TRPM6: variants seen among roughly 807,000 people sequenced by gnomAD.
The protein encoded by TRPM6 is transient receptor potential cation channel subfamily M member 6.
A neutral mutation model predicts 247.6 loss-of-function variants in TRPM6; 111 were observed. The ratio of observed to expected loss-of-function variants is 0.45; its 90% confidence interval spans 0.38 to 0.52. The LOEUF (loss-of-function observed/expected upper bound fraction) is 0.52, where lower values mean the gene tolerates loss of function less well. Ranked by LOEUF, TRPM6 falls within the 20% of genes least tolerant of loss-of-function variation. The pLI is 0.00. For synonymous variants in TRPM6, 892 were observed against 853.8 expected (o/e 1.04, Z -0.78); for missense variants, 2,126 against 2,421.5 (o/e 0.88, Z 2.56).
At chr9:74,736,506 T>C (rs1003184838) in intron 36 of TRPM6, among the ~76,000 whole-genome samples, 3 of 152,374 alleles carry the variant, frequency 2.0e-5, no homozygotes, top group African/African-American at 7.2e-5. Flanking sequence ...ATAATGCACG[T>C]AAACCTTTAG....
intron 1 of TRPM6, among the ~76,000 whole-genome samples, chr9:74,872,781 C>T (rs752624046): frequency 4.6e-5 from 7 of 152,152 alleles, no homozygotes; most frequent in Non-Finnish European, 8.8e-5. Flanking sequence ...GATTCTATCT[C>T]TTAAACATCT....
At chr9:74,728,202 G>A (rs756808152) in intron 38 of TRPM6, 37 bp downstream of exon 38, 25 of 1,410,438 alleles carry the variant, frequency 1.8e-5, no homozygotes, top group Non-Finnish European at 2.4e-5. Context: ...TTCTATGAGA[G>A]ATTTACTTAG....
chr9:74,762,276 C>T lies in TRPM6; in HGVS notation c.4395G>A (p.Val1465=). 6.2e-7 allele frequency: 1 copy of T among 1,614,216 alleles called. No individual in the cohort carries two copies. The highest frequency in any genetic ancestry group is 1.1e-5 in the South Asian group (1 of 91,084). The change falls in exon 26 of 39, where the codon GTG becomes GTA. Residue 1465 remains valine (V), a synonymous_variant. Transcript: ENST00000360774. The stretch of plus-strand genomic sequence containing the variant: ...TTTGCCACTTTTTCTTGATGCTAAA[C>T]ACACCAGTTTCATCACCTTCTGAAA... The part of the protein sequence containing the change: ...WAFSEGDETG[V]FSIKKKWQTC...
At chr9:74,799,786 T>A (rs1363215744) in intron 17 of TRPM6, 1 of 190,958 alleles carries the variant, frequency 5.2e-6, no homozygotes, top group East Asian at 1.3e-4. Flanking sequence ...GCAGGTAAAA[T>A]TATACCCATT....
chr9:74,868,919 G>C (rs1442015589), intron 1 of TRPM6, among the ~76,000 whole-genome samples: 1 of 152,182 alleles, frequency 6.6e-6, no homozygotes, highest in Non-Finnish European at 1.5e-5. Context: ...TTGGGGGATA[G>C]AGAATAGAGA....
Position 74,834,140 on chromosome 9 carries a change from A to G in TRPM6, c.545-18T>C, listed in dbSNP as rs1564036823. ...GGACACTCCTATGAACAACCAGTTT[A>G]GAAGTCAAACTTTAATTCACAAATC... On this transcript the variant is annotated intron_variant, in intron 5 of 38. Coordinates refer to ENST00000360774, the MANE Select transcript of TRPM6 (RefSeq NM_017662.5). The G allele has an allele frequency of 1.2e-6, 2 of 1,613,848 alleles. No individual in the cohort carries two copies. Among genetic ancestry groups the G allele is most frequent in the Non-Finnish European group, 1.7e-6 (2 of 1,179,802 alleles).
At chr9:74,728,750 A>T (rs1190969490) in intron 37 of TRPM6, among the ~76,000 whole-genome samples, 2 of 152,222 alleles carry the variant, frequency 1.3e-5, no homozygotes, top group African/African-American at 2.4e-5. Context: ...CTTTTGGGAC[A>T]CGCCTTCTAA....
chr9:74,799,360 C>T lies in TRPM6; in HGVS notation c.2238+894G>A, dbSNP rs541463895. ...ATGTACTCCTTAAGCTTGTCCATAA[C>T]CTAAAGCCTTTAGACTTAGGTTTGA... On this transcript the variant is annotated intron_variant, in intron 17 of 38. Coordinates refer to ENST00000360774, the MANE Select transcript of TRPM6 (RefSeq NM_017662.5). Among the ~76,000 whole-genome samples, 15 of 152,042 alleles carry T rather than the reference C, an allele frequency of 9.9e-5. No homozygotes were observed. The South Asian group carries it at 3.1e-3, about 32-fold the overall frequency.
chr9:74,797,044 G>A, intron 17 of TRPM6, 151 bp from the exon 18 acceptor site: 1 of 727,670 alleles, frequency 1.4e-6, no homozygotes. Context: ...TTTTGACTCG[G>A]CAACTTCAGT....
rs1299171330 is a variant in TRPM6, at chr9:74,724,285, T to C, written c.*328A>G. The C allele has an allele frequency of 2.5e-6, 1 of 396,602 alleles. No homozygotes were observed. The highest frequency in any genetic ancestry group is 5.7e-5 in the East Asian group (1 of 17,682). The allele number at this position is 396,602 out of a possible 1,614,324, so 24.6% of individuals were successfully genotyped here. The stretch of plus-strand genomic sequence containing the variant: ...AATAAATGTATCCCCCCCAACCCCA[T>C]CCTTTAATGTGCAGGATTCTGCTCC... On this transcript the variant is annotated 3_prime_UTR_variant, in exon 39 of 39. Coordinates refer to ENST00000360774, the MANE Select transcript of TRPM6 (RefSeq NM_017662.5).
At chr9:74,820,737 T>C (rs1400840525) in intron 8 of TRPM6, among the ~76,000 whole-genome samples, 1 of 152,124 alleles carries the variant, frequency 6.6e-6, no homozygotes, top group Non-Finnish European at 1.5e-5. Context: ...CCTGCCTCTA[T>C]TTTTACATTT....
At chr9:74,838,009 C>T (rs1160801945) in intron 5 of TRPM6, among the ~76,000 whole-genome samples, 4 of 152,082 alleles carry the variant, frequency 2.6e-5, no homozygotes, top group Non-Finnish European at 4.4e-5. Flanking sequence ...CTCAGCTTCC[C>T]GAAAGGCTGG....
chr9:74,852,267 G>A (rs1374718903), intron 3 of TRPM6, among the ~76,000 whole-genome samples: 8 of 151,534 alleles, frequency 5.3e-5, no homozygotes, highest in African/African-American at 1.5e-4. Flanking sequence ...GCGTTGCCCA[G>A]GCTGAATGTG....
intron 27 of TRPM6, 69 bp from the exon 28 acceptor site, chr9:74,755,542 A>G: frequency 6.3e-7 from 1 of 1,588,454 alleles, no homozygotes. Context: ...ACACTAACAG[A>G]AGCACCATGG....
At chr9:74,841,170 T>C (rs976122525) in intron 4 of TRPM6, among the ~76,000 whole-genome samples, 7 of 152,336 alleles carry the variant, frequency 4.6e-5, no homozygotes, top group African/African-American at 1.7e-4. Flanking sequence ...TAATCGTCAA[T>C]GTAAGCAAAA....
intron 3 of TRPM6, among the ~76,000 whole-genome samples, chr9:74,851,725 G>T (rs1296465989): frequency 1.3e-5 from 2 of 148,278 alleles, no homozygotes; most frequent in Non-Finnish European, 3.0e-5. Context: ...CTCCAGCTTG[G>T]GTGACAGAGC....
rs1415025126 is a variant in TRPM6 at position 74,794,959 on chromosome 9, A to G, written c.2391+1782T>C. 7.6e-5 allele frequency among the ~76,000 whole-genome samples: 11 copies of G among 145,160 alleles called. No homozygotes were observed. The East Asian group carries it at 2.0e-3, about 27-fold the overall frequency. Reference sequence around the variant, plus strand: ...GACTACAACAATAAGTCTTCCCCCCATATCTGTTTTGCAGTCATATTTCCC... The same window carrying G: ...GACTACAACAATAAGTCTTCCCCCCGTATCTGTTTTGCAGTCATATTTCCC... On this transcript the variant is annotated intron_variant, in intron 18 of 38. Transcript: ENST00000360774.
In TRPM6 at chr9:74,808,178, C is replaced by T. The variant is rs752638576; in HGVS notation, c.1498-4G>A. On this transcript the variant is annotated splice_region_variant and splice_polypyrimidine_tract_variant and intron_variant, in intron 13 of 38. Coordinates refer to ENST00000360774, the MANE Select transcript of TRPM6 (RefSeq NM_017662.5). ...GGTAGCCTGAAAGAAGGGTATGCTG[C>T]AACAAAAACATGCAACGACTTTTAA... 1.9e-6 allele frequency: 3 copies of T among 1,613,852 alleles called. No individual in the cohort carries two copies. Among genetic ancestry groups the T allele is most frequent in the African/African-American group, 2.7e-5 (2 of 75,020 alleles).
chr9:74,776,290 A>T, intron 23 of TRPM6: 1 of 510,000 alleles, frequency 2.0e-6, no homozygotes, highest in South Asian at 2.0e-5. Flanking sequence ...TAACAAGCAG[A>T]AGGCAGACAT....
Sources: gnomAD v4.1 joint callset for allele counts (sites outside exome capture counted in the v4.1 genomes callset) on GRCh38, gnomAD v4.1.1 for gene constraint, MANE v1.5 for transcripts, NCBI Gene and HGNC (gene_info 2026-07-23, HGNC 2026-07-21) for gene names.